Variants in ENPP2 observed in about 807,000 individuals in gnomAD.
The protein encoded by ENPP2 is ectonucleotide pyrophosphatase/phosphodiesterase 2, also known as autotaxin.
In ENPP2, 51 loss-of-function variants were observed where a neutral mutation model predicts 120.2. The observed-to-expected ratio is 0.42, with a 90% CI of 0.34 to 0.54. The LOEUF is 0.54. Among genes scored for constraint, ENPP2 ranks in the 20% least tolerant of loss-of-function variants. The probability of loss-of-function intolerance (pLI) is 0.04; values close to 1 mark genes in which losing one functional copy is unlikely to be tolerated. For missense variants in ENPP2, 920 were observed against 1,066.5 expected, an observed-to-expected ratio of 0.86 and a Z score of 1.91; for synonymous variants, 365 against 366.4, an observed-to-expected ratio of 1.00 and a Z score of 0.04.
At chr8:119,671,302 A>C (rs1351815047) in intron 1 of ENPP2, among the ~76,000 whole-genome samples, 10 of 152,104 alleles carry the variant, frequency 6.6e-5, no homozygotes, top group Non-Finnish European at 1.5e-4. Flanking sequence ...CTACATCTCA[A>C]AAAAAAGAAA....
intron 15 of ENPP2, 27 bp from the exon 16 acceptor site, chr8:119,584,076 T>C (rs753866969): frequency 3.5e-6 from 5 of 1,421,558 alleles, no homozygotes; most frequent in Non-Finnish European, 5.0e-6. Context: ...TCATGATTAG[T>C]TAGAATTTCT....
intron 11 of ENPP2, among the ~76,000 whole-genome samples, chr8:119,600,027 A>AG (rs1456300334): frequency 2.0e-5 from 3 of 149,142 alleles, no homozygotes; most frequent in African/African-American, 7.5e-5. Context: ...AAAAAAAAAA[A>AG]GTCAGCCTGC....
chr8:119,638,613 A>G (rs1484090320), intron 1 of ENPP2, 86 bp from the exon 2 acceptor site: 3 of 1,014,180 alleles, frequency 3.0e-6, no homozygotes, highest in Non-Finnish European at 4.7e-6. Flanking sequence ...TGGCTTCAAT[A>G]TCAACACCCA....
chr8:119,628,343 A>G (rs1816425237), intron 2 of ENPP2, among the ~76,000 whole-genome samples: 2 of 152,214 alleles, frequency 1.3e-5, no homozygotes, highest in African/African-American at 4.8e-5. Context: ...ACCTATCAAC[A>G]TGTTTAAATG....
chr8:119,615,093 ATT>A (rs1815369607), intron 8 of ENPP2, among the ~76,000 whole-genome samples: 1 of 152,166 alleles, frequency 6.6e-6, no homozygotes, highest in Non-Finnish European at 1.5e-5. Context: ...AAAAATTTCT[ATT>A]TATAGTCCTT....
intron 17 of ENPP2, among the ~76,000 whole-genome samples, chr8:119,583,392 A>T (rs149720023): frequency 6.6e-6 from 1 of 152,314 alleles, no homozygotes; most frequent in East Asian, 1.9e-4. Context: ...CAAGAGATGG[A>T]GGTGGAGGGG....
Position 119,564,844 on chromosome 8 carries a change from T to C in ENPP2, c.2243A>G (p.Asp748Gly). The C allele has an allele frequency of 6.2e-7, 1 of 1,613,502 alleles. No homozygotes were observed. Among genetic ancestry groups the C allele is most frequent in the Non-Finnish European group, 8.5e-7 (1 of 1,179,634 alleles). Reference sequence around the variant, plus strand: ...TTACTGTTTTATTTTGTCTTCTGTGTCATGTAAGCCATCATAGTCATAGTC... The same window carrying C: ...TTACTGTTTTATTTTGTCTTCTGTGCCATGTAAGCCATCATAGTCATAGTC... ...IFDYDYDGLH[D>G]TEDKIKQYVE... is the part of the protein sequence containing the mutation. Residue 748 changes from aspartate (D) to glycine (G), a missense_variant, in exon 23 of 25, where the codon GAC becomes GGC. Transcript: ENST00000075322.
chr8:119,596,021 A>G (rs1813871078), intron 11 of ENPP2: 1 of 1,611,844 alleles, frequency 6.2e-7, no homozygotes, highest in African/African-American at 1.3e-5. Context: ...GCGGATAGAG[A>G]TGTCTGGACT....
chr8:119,569,398 A>G (rs765271005), intron 20 of ENPP2, 28 bp from the exon 21 acceptor site: 1 of 1,612,684 alleles, frequency 6.2e-7, no homozygotes, highest in Non-Finnish European at 8.5e-7. Flanking sequence ...GCACTCAGCA[A>G]TGCCGTGGCT....
intron 8 of ENPP2, among the ~76,000 whole-genome samples, chr8:119,609,758 T>C (rs1814965729): frequency 6.6e-6 from 1 of 152,222 alleles, no homozygotes; most frequent in Non-Finnish European, 1.5e-5. Flanking sequence ...CATTCCAATA[T>C]CCAAACAACT....
intron 11 of ENPP2, among the ~76,000 whole-genome samples, chr8:119,597,895 A>G (rs1208902697): frequency 6.6e-6 from 1 of 152,202 alleles, no homozygotes; most frequent in Non-Finnish European, 1.5e-5. Context: ...ACAAATTTCA[A>G]CTGAATTCAT....
intron 2 of ENPP2, among the ~76,000 whole-genome samples, chr8:119,636,641 A>C (rs1217377333): frequency 6.6e-6 from 1 of 152,216 alleles, no homozygotes; most frequent in South Asian, 2.1e-4. Flanking sequence ...TCATTAGTTC[A>C]TATAGCTATT....
chr8:119,570,588 G>A, intron 20 of ENPP2, 117 bp downstream of exon 20: 1 of 595,732 alleles, frequency 1.7e-6, no homozygotes, highest in Non-Finnish European at 2.8e-6. Context: ...TAGGATTTCT[G>A]TCATTAAGAA....
chr8:119,628,472 T>C (rs1052476653), intron 2 of ENPP2, among the ~76,000 whole-genome samples: 3 of 152,190 alleles, frequency 2.0e-5, no homozygotes, highest in African/African-American at 7.2e-5. Context: ...GTCCTTTTAT[T>C]ACAGGTAAAG....
chr8:119,572,230 C>A, intron 19 of ENPP2: 1 of 1,554,604 alleles, frequency 6.4e-7, no homozygotes, highest in Non-Finnish European at 8.7e-7. Flanking sequence ...TTTCTGCTGC[C>A]TCTGAATTTC....
At chr8:119,606,475 G>A (rs1814725866) in intron 9 of ENPP2, among the ~76,000 whole-genome samples, 1 of 152,102 alleles carries the variant, frequency 6.6e-6, no homozygotes, top group East Asian at 1.9e-4. Flanking sequence ...ATACTTCTAT[G>A]AGCGTCTATG....
chr8:119,584,111 T>C, intron 15 of ENPP2, 62 bp from the exon 16 acceptor site: 2 of 1,150,668 alleles, frequency 1.7e-6, no homozygotes, highest in South Asian at 1.2e-5. Context: ...GATAAAAAGG[T>C]AATTTCAGGG....
At position 119,657,144 on chromosome 8, in the gene ENPP2, C is replaced by T. The variant is rs191143909; in HGVS notation, c.21+16108G>A. Among the ~76,000 whole-genome samples, 1,038 of 152,168 alleles carry T rather than the reference C, an allele frequency of 6.8e-3. 7 individuals are homozygous for T. Among genetic ancestry groups the T allele is most frequent in the African/African-American group, 0.024 (1,004 of 41,516 alleles). ...TTCACCATGTTGGCCAGTCTGGTCTCGAACTCCTGACCTCAGGTGATCCAC... is the reference window on the plus strand; with the variant it reads ...TTCACCATGTTGGCCAGTCTGGTCTTGAACTCCTGACCTCAGGTGATCCAC... On this transcript the variant is annotated intron_variant, in intron 1 of 25. Transcript: ENST00000427067.
At chr8:119,602,776 A>C (rs1199508259) in intron 9 of ENPP2, among the ~76,000 whole-genome samples, 1 of 152,240 alleles carries the variant, frequency 6.6e-6, no homozygotes, top group African/African-American at 2.4e-5. Context: ...AGGCATGTTC[A>C]TGATGAATTC....
Sources: allele counts gnomAD v4.1 joint callset (sites outside exome capture counted in the v4.1 genomes callset), GRCh38; gene constraint gnomAD v4.1.1; transcripts MANE v1.5; gene names NCBI Gene and HGNC (gene_info 2026-07-23, HGNC 2026-07-21).